Variants in ZFP57 observed in about 807,000 individuals in gnomAD.
ZFP57 encodes the protein zinc finger protein 57 homolog.
A neutral mutation model predicts 15.8 loss-of-function variants in ZFP57; 12 were observed. The observed-to-expected ratio is 0.76, with a 90% CI of 0.49 to 1.23. The LOEUF is 1.23. ZFP57 is among the 50% of genes most tolerant of loss of function. The probability of loss-of-function intolerance (pLI) is 0.00; values close to 1 mark genes in which losing one functional copy is unlikely to be tolerated. For missense variants in ZFP57, 536 were observed against 654.9 expected (o/e 0.82, Z 1.98); for synonymous variants, 203 against 242.3 (o/e 0.84, Z 1.51).
In ZFP57 at chr6:29,672,889, T is replaced by C; in HGVS notation, c.1222A>G (p.Thr408Ala). 6.2e-7 allele frequency: 1 copy of C among 1,613,080 alleles called. No homozygotes were observed. The highest frequency in any genetic ancestry group is 2.2e-5 in the East Asian group (1 of 44,884). ...YLSRHQKAHLTEPPNYCFHCS... is the reference protein window; with the variant it reads ...YLSRHQKAHLAEPPNYCFHCS... ...TGGAAGCAGTAGTTGGGCGGCTCTG[T>C]GAGGTGGGCCTTCTGGTGTCTGGAG... The change falls in exon 5 of 5, where the codon ACA (threonine) becomes GCA (alanine). Residue 408 changes from threonine (T) to alanine (A), a missense_variant. Transcript: ENST00000376883.
In ZFP57 at chr6:29,673,668, G is replaced by A. The variant is rs1771882205; in HGVS notation, c.443C>T (p.Ala148Val). 6.2e-7 allele frequency: 1 copy of A among 1,612,912 alleles called. No individual in the cohort carries two copies. The highest frequency in any genetic ancestry group is 8.5e-7 in the Non-Finnish European group (1 of 1,179,930). The change falls in exon 5 of 5, where the codon GCC becomes GTC. Residue 148 changes from alanine (A) to valine (V), a missense_variant. Transcript: ENST00000376883. This position sits in a 1 kb window ranked among gnomAD's most constrained non-coding sequence, Gnocchi z 4.7. ...DDKVFLACRGAGQCPLSAPAG... is the reference protein window; with the variant it reads ...DDKVFLACRGVGQCPLSAPAG... The stretch of plus-strand genomic sequence containing the variant: ...TGGGGCAGATAGGGGGCACTGGCCG[G>A]CCCCTCTGCATGCAAGGAAGACCTT...
At chr6:29,680,676 G>C (rs2127550541) in intron 1 of ZFP57, among the ~76,000 whole-genome samples, 1 of 152,296 alleles carries the variant, frequency 6.6e-6, no homozygotes, top group African/African-American at 2.4e-5. Context: ...GAACAAAGCC[G>C]GTTTTGCTCA....
chr6:29,675,867 C>T (rs1772040087), intron 3 of ZFP57, 66 bp downstream of exon 3: 2 of 1,605,514 alleles, frequency 1.2e-6, no homozygotes, highest in Admixed American at 1.7e-5. Context: ...TCTACCTGTC[C>T]AGGGAAACCA....
downstream of ZFP57, chr6:29,672,414 G>C: frequency 2.7e-6 from 4 of 1,482,318 alleles, no homozygotes; most frequent in Non-Finnish European, 3.8e-6. Flanking sequence ...CCACGCACCT[G>C]TCTCCCTCTA....
At chr6:29,679,395 A>G (rs1049287892) in intron 1 of ZFP57, among the ~76,000 whole-genome samples, 1 of 152,214 alleles carries the variant, frequency 6.6e-6, no homozygotes, top group Non-Finnish European at 1.5e-5. Context: ...CCCTCGAGGA[A>G]TAGAGTTAAT....
intron 1 of ZFP57, among the ~76,000 whole-genome samples, chr6:29,680,666 G>C (rs1402360072): frequency 6.6e-6 from 1 of 152,194 alleles, no homozygotes; most frequent in East Asian, 1.9e-4. Flanking sequence ...CGGTGGCCGG[G>C]AACAAAGCCG....
At chr6:29,678,657 A>T (rs1329600504) in intron 1 of ZFP57, among the ~76,000 whole-genome samples, 1 of 151,782 alleles carries the variant, frequency 6.6e-6, no homozygotes. Flanking sequence ...GTTCTATCTT[A>T]TTACTAGTTA....
chr6:29,677,146 G>T lies in ZFP57; in HGVS notation c.-143C>A. On this transcript the variant is annotated 5_prime_UTR_variant, in exon 2 of 5. Transcript: ENST00000376883. ...AGCAAAGGCCCCAGGGTTTGATGTGGCTTCCTGTGACAAATGTATCTGCTC... is the reference window on the plus strand; with the variant it reads ...AGCAAAGGCCCCAGGGTTTGATGTGTCTTCCTGTGACAAATGTATCTGCTC... 8.8e-7 allele frequency: 1 copy of T among 1,138,566 alleles called. No homozygotes were observed. The highest frequency in any genetic ancestry group is 1.3e-6 in the Non-Finnish European group (1 of 771,136). 70.5% of individuals were successfully genotyped at this position (1,138,566 alleles called of 1,614,324 possible). A position where few individuals can be genotyped will look rare whatever the true frequency, so the allele number is the denominator to read the frequency against.
In ZFP57 at chr6:29,677,128, G is replaced by T. The variant is rs1434320719; in HGVS notation, c.-125C>A. The stretch of plus-strand genomic sequence containing the variant: ...GGGCAGATGGAGAGGCCCAGCAAAG[G>T]CCCCAGGGTTTGATGTGGCTTCCTG... On this transcript the variant is annotated 5_prime_UTR_variant, in exon 2 of 5. Coordinates refer to ENST00000376883, the MANE Select transcript of ZFP57 (RefSeq NM_001109809.5). 1.2e-5 allele frequency: 17 copies of T among 1,412,396 alleles called. No individual in the cohort carries two copies. The highest frequency in any genetic ancestry group is 3.5e-5 in the South Asian group (3 of 86,218). 87.5% of individuals were successfully genotyped at this position (1,412,396 alleles called of 1,614,324 possible).
Position 29,672,821 on chromosome 6 carries a change from G to C in ZFP57, c.1290C>G (p.His430Gln), listed in dbSNP as rs778450859. 1.4e-5 allele frequency: 23 copies of C among 1,613,000 alleles called. No homozygotes were observed. Among genetic ancestry groups the C allele is most frequent in the Non-Finnish European group, 1.9e-5 (22 of 1,180,052 alleles). ...TCTTCTGCTTCCAGTGGGTCTGCTG[G>C]TGTCTGACCAGCCTGGAAAATGAGC... Reference protein sequence around the residue: ...SFSSFSRLVRHQQTHWKQKSY... With the variant: ...SFSSFSRLVRQQQTHWKQKSY... Residue 430 changes from histidine (H) to glutamine (Q), a missense_variant, in exon 5 of 5, where the codon CAC becomes CAG. His to Gln is a conservative substitution (Grantham distance 24). Coordinates refer to ENST00000376883, the MANE Select transcript of ZFP57 (RefSeq NM_001109809.5).
intron 1 of ZFP57, among the ~76,000 whole-genome samples, chr6:29,677,971 A>T (rs1772159285): frequency 6.6e-6 from 1 of 152,170 alleles, no homozygotes; most frequent in Non-Finnish European, 1.5e-5. Flanking sequence ...AGGCTGAGGT[A>T]GGCAGATCAT....
chr6:29,674,094 C>CAAAA (rs1259618869), intron 4 of ZFP57, among the ~76,000 whole-genome samples: 2 of 69,086 alleles, frequency 2.9e-5, no homozygotes, highest in Non-Finnish European at 5.7e-5. Flanking sequence ...AACTCTGTCT[C>CAAAA]AAAAAAAAAA....
At chr6:29,678,199 G>A (rs1052828302) in intron 1 of ZFP57, among the ~76,000 whole-genome samples, 14 of 152,060 alleles carry the variant, frequency 9.2e-5, no homozygotes, top group Non-Finnish European at 1.8e-4. Flanking sequence ...GCGAGACTCC[G>A]TCTCAAAAAA....
intron 2 of ZFP57, 128 bp from the exon 3 acceptor site, chr6:29,676,187 TG>T: frequency 9.7e-7 from 1 of 1,025,722 alleles, no homozygotes. Flanking sequence ...GATAAAACCA[TG>T]GAAGGAAGAG....
Position 29,672,582 on chromosome 6 carries a change from G to A in ZFP57, c.1529C>T (p.Thr510Ile), listed in dbSNP as rs773321909. Residue 510 changes from threonine (T) to isoleucine (I), a missense_variant, in exon 5 of 5, where the codon ACC becomes ATC. By Grantham distance (89) the Thr-to-Ile change is moderately conservative. Coordinates refer to ENST00000376883, the MANE Select transcript of ZFP57 (RefSeq NM_001109809.5). ...CTCTCTTAGGCCTCTTCTCCTGGGG[G>A]TATGGATCCTGGGGGGAGATTGATC... ...GGDQSPPRIH[T>I]PRRRGLREKA... 2 of 1,612,692 alleles carry A rather than the reference G, an allele frequency of 1.2e-6. No homozygotes were observed. Among genetic ancestry groups the A allele is most frequent in the African/African-American group, 1.3e-5 (1 of 74,980 alleles).
At chr6:29,680,842 T>C (rs1772308516) in intron 1 of ZFP57, among the ~76,000 whole-genome samples, 1 of 152,032 alleles carries the variant, frequency 6.6e-6, no homozygotes, top group Non-Finnish European at 1.5e-5. Context: ...CAGGAGCCCT[T>C]CCTCGGCCCG....
rs1184532880 is a variant in ZFP57, at chr6:29,675,540, A to G, written c.251-53T>C. On this transcript the variant is annotated intron_variant, in intron 3 of 4. Coordinates refer to ENST00000376883, the MANE Select transcript of ZFP57 (RefSeq NM_001109809.5). ...AGTTGGTCCCAGGTATGGCCCCTTC[A>G]CATCTGATGGGGACAACAGGCTACC... 9 of 1,409,346 alleles carry G rather than the reference A, an allele frequency of 6.4e-6. No individual in the cohort carries two copies. In the Admixed American group the frequency reaches 1.2e-4, roughly 18 times the overall value. 87.3% of individuals were successfully genotyped at this position (1,409,346 alleles called of 1,614,324 possible). A position where few individuals can be genotyped will look rare whatever the true frequency, so the allele number is the denominator to read the frequency against.
At chr6:29,677,397 C>A (rs1772129256) in intron 1 of ZFP57, 31 bp from the exon 2 acceptor site, 1 of 287,728 alleles carries the variant, frequency 3.5e-6, no homozygotes, top group African/African-American at 2.2e-5. Flanking sequence ...AACATATCAG[C>A]AAGAGGGAGG....
intron 4 of ZFP57, among the ~76,000 whole-genome samples, chr6:29,674,119 AAAGAAG>A (rs951170083): frequency 3.3e-5 from 5 of 151,110 alleles, no homozygotes; most frequent in South Asian, 4.1e-4. Context: ...AAAGAAAGAA[AAAGAAG>A]AAGAAGAAGG....
Sources: gnomAD v4.1 joint callset for allele counts (sites outside exome capture counted in the v4.1 genomes callset) on GRCh38, gnomAD v4.1.1 for gene constraint, Gnocchi (gnomAD v3.1) non-coding constraint, MANE v1.5 for transcripts, NCBI Gene and HGNC (gene_info 2026-07-23, HGNC 2026-07-21) for gene names.